FUT8: variants seen among roughly 807,000 people sequenced by gnomAD.
The protein encoded by FUT8 is fucosyltransferase 8.
Under a neutral mutation model 71.3 loss-of-function variants are expected in FUT8, and 29 were observed. The observed-to-expected ratio is 0.41, with a 90% CI of 0.30 to 0.55. The LOEUF (loss-of-function observed/expected upper bound fraction) is 0.55. Ranked by LOEUF, FUT8 falls within the 20% of genes least tolerant of loss-of-function variation. The probability of loss-of-function intolerance (pLI) is 0.34; values close to 1 mark genes in which losing one functional copy is unlikely to be tolerated. For synonymous variants in FUT8, 254 were observed against 239.3 expected, an observed-to-expected ratio of 1.06 and a Z score of -0.57; for missense variants, 544 against 702.1, an observed-to-expected ratio of 0.77 and a Z score of 2.55.
chr14:65,571,964 A>T (rs959268712), intron 3 of FUT8, among the ~76,000 whole-genome samples: 2 of 152,190 alleles, frequency 1.3e-5, no homozygotes, highest in African/African-American at 4.8e-5. Context: ...TCTTTATAAA[A>T]TAGCAGACTC....
At chr14:65,695,169 TC>T (rs748516951) in intron 7 of FUT8, among the ~76,000 whole-genome samples, 6 of 152,310 alleles carry the variant, frequency 3.9e-5, no homozygotes, top group Non-Finnish European at 8.8e-5. Flanking sequence ...ATTCTATAAA[TC>T]AATTAGATTG....
intron 1 of FUT8, among the ~76,000 whole-genome samples, chr14:65,436,756 A>T (rs972886361): frequency 2.6e-5 from 4 of 151,668 alleles, no homozygotes; most frequent in African/African-American, 7.3e-5. Flanking sequence ...TTCACATAAA[A>T]TTTTTTTTTC....
chr14:65,677,324 C>A (rs1892812934), intron 7 of FUT8, among the ~76,000 whole-genome samples: 1 of 151,788 alleles, frequency 6.6e-6, no homozygotes, highest in South Asian at 2.1e-4. Flanking sequence ...GTTTTGCTTC[C>A]CCAAATACAA....
chr14:65,371,692 T>G, the FUT8 span, among the ~76,000 whole-genome samples: 1 of 152,258 alleles, frequency 6.6e-6, no homozygotes, highest in Non-Finnish European at 1.5e-5. Context: ...TCCTTTGACA[T>G]GTCACCATCA....
intron 7 of FUT8, among the ~76,000 whole-genome samples, chr14:65,721,267 TTA>T (rs1410110201): frequency 6.6e-6 from 1 of 151,966 alleles, no homozygotes; most frequent in Non-Finnish European, 1.5e-5. Flanking sequence ...GATTTTAGAA[TTA>T]TCTAATTTTT....
At chr14:65,372,660 G>A in the FUT8 span, among the ~76,000 whole-genome samples, 21 of 152,168 alleles carry the variant, frequency 1.4e-4, no homozygotes, top group Admixed American at 7.2e-4. Flanking sequence ...GGGGCAATCC[G>A]CCCACCTCGG....
chr14:65,374,761 AT>A, the FUT8 span, among the ~76,000 whole-genome samples: 44 of 148,104 alleles, frequency 3.0e-4, no homozygotes, highest in East Asian at 7.9e-4. Flanking sequence ...CGCCTGGCTA[AT>A]TTTTTTTTTT....
At position 65,581,303 on chromosome 14, in the gene FUT8, CAG is replaced by C. The variant is rs150061149; in HGVS notation, c.203+19541_203+19542del. On this transcript the variant is annotated intron_variant, in intron 3 of 10. Coordinates refer to ENST00000673929, the MANE Select transcript of FUT8 (RefSeq NM_001371533.1). ...AACATTTTGATATTTAAATTACCGACAGAGAAAATTCATAACAGAATAAGAAG... is the reference window on the plus strand; with the variant it reads ...AACATTTTGATATTTAAATTACCGACAGAAAATTCATAACAGAATAAGAAG... Among the ~76,000 whole-genome samples the C allele has an allele frequency of 3.1e-3, 471 of 152,138 alleles. 3 individuals carry two copies. The East Asian group carries it at 0.035, about 11-fold the overall frequency.
intron 3 of FUT8, among the ~76,000 whole-genome samples, chr14:65,611,824 C>A (rs1473925427): frequency 6.6e-6 from 1 of 152,086 alleles, no homozygotes; most frequent in African/African-American, 2.4e-5. Context: ...CCATGCCTGG[C>A]TAATTTTTGT....
chr14:65,589,634 C>T (rs144170954), intron 3 of FUT8, among the ~76,000 whole-genome samples: 2,250 of 151,820 alleles, frequency 0.015, 30 homozygotes, highest in Non-Finnish European at 0.026. Context: ...TTAGTAGAGA[C>T]GGGGTTTCAC....
At chr14:65,692,879 G>A (rs1373855684) in intron 7 of FUT8, among the ~76,000 whole-genome samples, 5 of 146,898 alleles carry the variant, frequency 3.4e-5, no homozygotes, top group Non-Finnish European at 6.0e-5. Flanking sequence ...GGGTGGCGGG[G>A]CAGAGGCGCT....
At chr14:65,357,872 T>G in the FUT8 span, among the ~76,000 whole-genome samples, 1 of 152,220 alleles carries the variant, frequency 6.6e-6, no homozygotes, top group Non-Finnish European at 1.5e-5. Flanking sequence ...GGCATAAATT[T>G]GCAATTTAAT....
At chr14:65,514,422 C>G (rs375716914) in intron 2 of FUT8, among the ~76,000 whole-genome samples, 2 of 152,216 alleles carry the variant, frequency 1.3e-5, no homozygotes, top group East Asian at 3.9e-4. Flanking sequence ...CTGCCGAATA[C>G]AAGAGGAAAA....
intron 6 of FUT8, among the ~76,000 whole-genome samples, chr14:65,645,324 A>G (rs1018863465): frequency 6.6e-6 from 1 of 152,216 alleles, no homozygotes; most frequent in Non-Finnish European, 1.5e-5. Context: ...TAACTGCTTG[A>G]TGCTCTCTAT....
chr14:65,566,236 T>C (rs1219134885), intron 3 of FUT8, among the ~76,000 whole-genome samples: 1 of 151,916 alleles, frequency 6.6e-6, no homozygotes, highest in Non-Finnish European at 1.5e-5. Flanking sequence ...AAGAGGAAAA[T>C]AGCAGGAATT....
chr14:65,633,586 C>A (rs1388376782), intron 6 of FUT8, among the ~76,000 whole-genome samples: 2 of 151,984 alleles, frequency 1.3e-5, no homozygotes, highest in South Asian at 2.1e-4. Flanking sequence ...AGCGTCTCTG[C>A]CCGGCCGCCC....
chr14:65,469,767 C>T (rs1156626123), intron 2 of FUT8, among the ~76,000 whole-genome samples: 4 of 152,314 alleles, frequency 2.6e-5, no homozygotes, highest in Non-Finnish European at 5.9e-5. Flanking sequence ...TAGCTCCTCT[C>T]TGCAGCTAGT....
At chr14:65,506,690 G>A (rs115345947) in intron 2 of FUT8, among the ~76,000 whole-genome samples, 2,657 of 152,236 alleles carry the variant, frequency 0.017, 78 homozygotes, top group African/African-American at 0.061. Flanking sequence ...GGATACATGA[G>A]ATGTTTTGAC....
rs370341730 is a variant in FUT8, at chr14:65,721,835, C to T, written c.896C>T (p.Pro299Leu). ...VELPIVDSLHPRPPYLPLAVP... is the reference protein window; with the variant it reads ...VELPIVDSLHLRPPYLPLAVP... ...CTTCCCATTGTAGACAGTCTTCATCCCCGTCCTCCATATTTACCCTTGGCT... is the reference window on the plus strand; with the variant it reads ...CTTCCCATTGTAGACAGTCTTCATCTCCGTCCTCCATATTTACCCTTGGCT... The change falls in exon 8 of 11, where the codon CCC (proline) becomes CTC (leucine). Residue 299 changes from proline to leucine, a missense_variant. By Grantham distance (98) the Pro-to-Leu change is moderately conservative. Transcript: ENST00000673929. The T allele has an allele frequency of 5.6e-6, 9 of 1,614,056 alleles. No homozygotes were observed. Among genetic ancestry groups the T allele is most frequent in the Non-Finnish European group, 7.6e-6 (9 of 1,179,992 alleles).
Sources: allele counts gnomAD v4.1 joint callset (sites outside exome capture counted in the v4.1 genomes callset), GRCh38; gene constraint gnomAD v4.1.1; transcripts MANE v1.5; gene names NCBI Gene and HGNC (gene_info 2026-07-23, HGNC 2026-07-21).